Variants in C4BPA observed in about 807,000 individuals in gnomAD.
C4BPA encodes complement component 4 binding protein alpha.
In C4BPA, 31 loss-of-function variants were observed where a neutral mutation model predicts 63.7. The observed-to-expected ratio is 0.49, with a 90% CI of 0.37 to 0.66. The LOEUF (loss-of-function observed/expected upper bound fraction) is 0.66, where lower values mean the gene tolerates loss of function less well. Among genes scored for constraint, C4BPA ranks in the 30% least tolerant of loss-of-function variants. The pLI is 0.00. For missense variants in C4BPA, 572 were observed against 723.3 expected, an observed-to-expected ratio of 0.79 and a Z score of 2.40; for synonymous variants, 259 against 254.7, an observed-to-expected ratio of 1.02 and a Z score of -0.16.
intron 7 of C4BPA, among the ~76,000 whole-genome samples, chr1:207,129,235 GC>G (rs1388258540): frequency 1.3e-5 from 2 of 151,892 alleles, no homozygotes; most frequent in Non-Finnish European, 2.9e-5. Flanking sequence ...TTGAGATTAT[GC>G]AATTTGAAGC....
At chr1:207,124,956 TA>T (rs1350823979) in intron 6 of C4BPA, among the ~76,000 whole-genome samples, 4 of 152,162 alleles carry the variant, frequency 2.6e-5, no homozygotes, top group Non-Finnish European at 5.9e-5. Context: ...TTTGCACCTA[TA>T]AGATGAAACA....
chr1:207,137,037 T>A (rs1156919692), intron 9 of C4BPA, among the ~76,000 whole-genome samples: 3 of 152,276 alleles, frequency 2.0e-5, no homozygotes, highest in Admixed American at 1.3e-4. Context: ...TCTTCTTAAA[T>A]TTATTGTTCT....
At chr1:207,116,548 G>T (rs1684794809) in intron 4 of C4BPA, among the ~76,000 whole-genome samples, 1 of 107,014 alleles carries the variant, frequency 9.3e-6, no homozygotes, top group African/African-American at 3.0e-5. Flanking sequence ...GTGTGTGTGT[G>T]TGTGTGTGTG....
chr1:207,124,404 C>A, intron 6 of C4BPA, 38 bp downstream of exon 6: 1 of 1,491,198 alleles, frequency 6.7e-7, no homozygotes, highest in Non-Finnish European at 9.2e-7. Context: ...AAAATGTTTG[C>A]TCTCTTTTGT....
In C4BPA at chr1:207,113,412, T is replaced by C. The variant is rs12075573; in HGVS notation, c.142+245T>C. 0.2 allele frequency among the ~76,000 whole-genome samples: 30,329 copies of C among 152,096 alleles called. 5,338 individuals carry two copies. The highest frequency in any genetic ancestry group is 0.48 in the African/African-American group (19,707 of 41,430). ...AGAATTTCTCTCCCAACCATCTATATGGATGATAATATGGACAGATCTATA... is the reference window on the plus strand; with the variant it reads ...AGAATTTCTCTCCCAACCATCTATACGGATGATAATATGGACAGATCTATA... On this transcript the variant is annotated intron_variant, in intron 2 of 11. Transcript: ENST00000367070.
At chr1:207,112,890 C>A in intron 1 of C4BPA, 111 bp from the exon 2 acceptor site, 1 of 1,030,462 alleles carries the variant, frequency 9.7e-7, no homozygotes, top group Non-Finnish European at 1.3e-6. Flanking sequence ...TGTTTTGTTT[C>A]CACTCCAGGC....
chr1:207,125,658 A>C (rs1275986961), intron 6 of C4BPA, among the ~76,000 whole-genome samples: 1 of 152,178 alleles, frequency 6.6e-6, no homozygotes, highest in Non-Finnish European at 1.5e-5. Context: ...CCATCTTGAA[A>C]GGGGAGAGCA....
chr1:207,117,084 C>T (rs1684813703), intron 4 of C4BPA, among the ~76,000 whole-genome samples: 1 of 152,066 alleles, frequency 6.6e-6, no homozygotes, highest in Admixed American at 6.5e-5. Context: ...GTTTTCCTGA[C>T]AGTATGTATT....
chr1:207,124,449 C>A, intron 6 of C4BPA, 83 bp downstream of exon 6: 1 of 1,058,742 alleles, frequency 9.4e-7, no homozygotes, highest in Non-Finnish European at 1.4e-6. Context: ...TATTGGGGGG[C>A]AAATGGAAAA....
intron 1 of C4BPA, among the ~76,000 whole-genome samples, chr1:207,107,654 G>T (rs571901218): frequency 2.6e-5 from 4 of 152,326 alleles, no homozygotes; most frequent in African/African-American, 9.6e-5. Context: ...ACAGATAGGG[G>T]AACCTATGGA....
chr1:207,121,521 C>A (rs540460893), intron 4 of C4BPA, among the ~76,000 whole-genome samples: 53 of 152,048 alleles, frequency 3.5e-4, no homozygotes, highest in African/African-American at 1.2e-3. Flanking sequence ...TTAGGTTTGT[C>A]TCCTGTATAT....
At chr1:207,124,485 T>C (rs1684993710) in intron 6 of C4BPA, 119 bp downstream of exon 6, 2 of 722,240 alleles carry the variant, frequency 2.8e-6, no homozygotes, top group African/African-American at 1.8e-5. Context: ...ACTATCGCTC[T>C]GATGCAATCA....
At chr1:207,106,441 GTTTT>G (rs757122192) in intron 1 of C4BPA, among the ~76,000 whole-genome samples, 2 of 118,440 alleles carry the variant, frequency 1.7e-5, no homozygotes, top group Non-Finnish European at 3.4e-5. Flanking sequence ...CTCCGTGTAA[GTTTT>G]TTTTTTTTTT....
At chr1:207,126,057 A>G (rs866855283) in intron 6 of C4BPA, among the ~76,000 whole-genome samples, 3 of 151,948 alleles carry the variant, frequency 2.0e-5, no homozygotes, top group South Asian at 4.1e-4. Context: ...AAAATCATCT[A>G]GGAAATTAGG....
intron 1 of C4BPA, among the ~76,000 whole-genome samples, chr1:207,106,721 G>C (rs551512806): frequency 6.6e-6 from 1 of 152,176 alleles, no homozygotes; most frequent in Non-Finnish European, 1.5e-5. Context: ...GATTACAGGC[G>C]TGAGCCACTG....
chr1:207,144,021 G>A, intron 11 of C4BPA, 28 bp downstream of exon 11: 2 of 1,526,836 alleles, frequency 1.3e-6, no homozygotes, highest in Non-Finnish European at 1.8e-6. Context: ...AGGAAGTTCT[G>A]TGCTGTCGAC....
chr1:207,115,602 T>C (rs1485129051), intron 4 of C4BPA, 87 bp downstream of exon 4: 4 of 694,648 alleles, frequency 5.8e-6, no homozygotes, highest in Non-Finnish European at 9.2e-6. Context: ...TTTAAAATGA[T>C]GTAAAAAGAT....
intron 4 of C4BPA, among the ~76,000 whole-genome samples, chr1:207,121,893 G>C (rs1461576195): frequency 1.3e-5 from 2 of 151,744 alleles, no homozygotes; most frequent in East Asian, 3.9e-4. Context: ...TATTATCTTA[G>C]TGTTTATTTT....
rs111334211 is a variant in C4BPA, at chr1:207,120,188, A to G, written c.429-3734A>G. Among the ~76,000 whole-genome samples, 795 of 152,246 alleles carry G rather than the reference A, an allele frequency of 5.2e-3. 7 individuals are homozygous for G. The highest frequency in any genetic ancestry group is 0.018 in the African/African-American group (740 of 41,540). ...TCTTTGCCTTACCTTCACTTGCATG[A>G]GGGTCCAGAGTTGACAGGTCTCAAC... On this transcript the variant is annotated intron_variant, in intron 4 of 11. Coordinates refer to ENST00000367070, the MANE Select transcript of C4BPA (RefSeq NM_000715.4).
Sources: allele counts gnomAD v4.1 joint callset (sites outside exome capture counted in the v4.1 genomes callset), GRCh38; gene constraint gnomAD v4.1.1; transcripts MANE v1.5; gene names NCBI Gene and HGNC (gene_info 2026-07-23, HGNC 2026-07-21).